EDC3: variants seen among roughly 807,000 people sequenced by gnomAD.
The protein encoded by EDC3 is enhancer of mRNA decapping 3.
In EDC3, 20 loss-of-function variants were observed where a neutral mutation model predicts 41.8. The ratio of observed to expected loss-of-function variants is 0.48; its 90% CI spans 0.34 to 0.70. EDC3 has a LOEUF of 0.70. EDC3 is among the 30% of genes least tolerant of loss of function. The probability of loss-of-function intolerance (pLI) is 0.01; values close to 1 mark genes in which losing one functional copy is unlikely to be tolerated. For missense variants in EDC3, 444 were observed against 636.8 expected, an observed-to-expected ratio of 0.70 and a Z score of 3.26; for synonymous variants, 206 against 243.2, an observed-to-expected ratio of 0.85 and a Z score of 1.42.
At chr15:74,645,572 G>GT (rs2062404800) in intron 4 of EDC3, among the ~76,000 whole-genome samples, 1 of 145,186 alleles carries the variant, frequency 6.9e-6, no homozygotes, top group South Asian at 2.3e-4. Flanking sequence ...GTTGGGGGGG[G>GT]GGGGGTGCCA....
At position 74,632,159 on chromosome 15, in the gene EDC3, C is replaced by T. The variant is rs1034309609; in HGVS notation, c.*453G>A. ...CCTCTGGTGGACAGCTGCCGTGCAG[C>T]TGGTTCTACAGAGGAAGGGCTGTCT... On this transcript the variant is annotated 3_prime_UTR_variant, in exon 7 of 7. Transcript: ENST00000315127. This position sits in a 1 kb window ranked among gnomAD's most constrained non-coding sequence, Gnocchi z 4.0. The T allele has an allele frequency of 9.9e-6, 2 of 202,370 alleles. No homozygotes were observed. The highest frequency in any genetic ancestry group is 1.8e-4 in the South Asian group (2 of 10,824). The allele number at this position is 202,370 out of a possible 1,614,324, so 12.5% of individuals were successfully genotyped here. A position where few individuals can be genotyped will look rare whatever the true frequency, so the allele number is the denominator to read the frequency against.
chr15:74,663,558 T>C lies in EDC3; in HGVS notation c.485-7490A>G, dbSNP rs976101225. 3.9e-5 allele frequency among the ~76,000 whole-genome samples: 6 copies of C among 152,236 alleles called. No individual in the cohort carries two copies. The East Asian group carries it at 1.2e-3, about 29-fold the overall frequency. On this transcript the variant is annotated intron_variant, in intron 3 of 6. Transcript: ENST00000315127. ...ATTAGGGATGCTCAACTGGTATGTA[T>C]TCCAGAAATACTCCAAAATCCTTTT...
At chr15:74,642,884 T>C (rs940087350) in intron 4 of EDC3, 1 of 152,276 alleles carries the variant, frequency 6.6e-6, no homozygotes, top group African/African-American at 2.4e-5. Context: ...CCCCACCGGC[T>C]GGCTAGATGC....
At chr15:74,640,766 C>A (rs1241307599) in intron 4 of EDC3, 147 bp from the exon 5 acceptor site, 12 of 934,930 alleles carry the variant, frequency 1.3e-5, no homozygotes, top group Non-Finnish European at 1.9e-5. Flanking sequence ...GACTAAGGCA[C>A]GCTCTGCAGC....
chr15:74,682,067 T>G (rs1460720568), intron 1 of EDC3, among the ~76,000 whole-genome samples: 1 of 152,134 alleles, frequency 6.6e-6, no homozygotes, highest in Non-Finnish European at 1.5e-5. Flanking sequence ...CTAGTAAGAA[T>G]GTGGAAAAAA....
chr15:74,632,187 G>C lies in EDC3; in HGVS notation c.*425C>G, dbSNP rs181346572. On this transcript the variant is annotated 3_prime_UTR_variant, in exon 7 of 7. Coordinates refer to ENST00000315127, the MANE Select transcript of EDC3 (RefSeq NM_025083.5). This position sits in a 1 kb window ranked among gnomAD's most constrained non-coding sequence, Gnocchi z 4.0. ...GTTCTACAGAGGAAGGGCTGTCTGC[G>C]TGGGGAAAGCAGGGGAGACACAAAG... The C allele has an allele frequency of 9.5e-5, 20 of 209,740 alleles. No homozygotes were observed. The highest frequency in any genetic ancestry group is 1.8e-4 in the Non-Finnish European group (18 of 102,032). The allele number at this position is 209,740 out of a possible 1,614,324, so 13.0% of individuals were successfully genotyped here.
intron 4 of EDC3, among the ~76,000 whole-genome samples, chr15:74,647,700 C>T (rs1346865824): frequency 1.3e-5 from 2 of 152,220 alleles, no homozygotes; most frequent in African/African-American, 2.4e-5. Flanking sequence ...GGGACTGATA[C>T]ATTCTTCCAC....
intron 3 of EDC3, among the ~76,000 whole-genome samples, chr15:74,667,733 A>G (rs2062693372): frequency 6.6e-6 from 1 of 152,202 alleles, no homozygotes; most frequent in Admixed American, 6.5e-5. Context: ...AATACCCATG[A>G]GTACATGCTG....
intron 5 of EDC3, chr15:74,637,544 G>A (rs2062289041): frequency 6.6e-6 from 1 of 152,210 alleles, no homozygotes; most frequent in South Asian, 2.1e-4. Context: ...TAACAGCTAG[G>A]AAGCAGGCCT....
intron 4 of EDC3, among the ~76,000 whole-genome samples, chr15:74,654,434 C>A (rs1004577383): frequency 1.3e-5 from 2 of 152,184 alleles, no homozygotes; most frequent in African/African-American, 4.8e-5. Flanking sequence ...GTTGGCTGAT[C>A]TGGAGGAGTA....
At chr15:74,666,121 C>T (rs2062674746) in intron 3 of EDC3, among the ~76,000 whole-genome samples, 1 of 152,132 alleles carries the variant, frequency 6.6e-6, no homozygotes. Flanking sequence ...TCTATAGCTT[C>T]ATCAATCTAC....
At chr15:74,681,825 C>T (rs1209149567) in intron 1 of EDC3, among the ~76,000 whole-genome samples, 1 of 152,168 alleles carries the variant, frequency 6.6e-6, no homozygotes. Flanking sequence ...GAGAAACCCT[C>T]AAGATCTAGG....
intron 6 of EDC3, among the ~76,000 whole-genome samples, chr15:74,633,483 T>TAGAGG (rs2062236979): frequency 6.6e-6 from 1 of 152,198 alleles, no homozygotes; most frequent in Non-Finnish European, 1.5e-5. Flanking sequence ...CTGTCCCCTC[T>TAGAGG]CGTACTCATT....
At chr15:74,633,015 C>G in intron 6 of EDC3, 69 bp from the exon 7 acceptor site, 1 of 1,496,384 alleles carries the variant, frequency 6.7e-7, no homozygotes, top group Non-Finnish European at 9.1e-7. Context: ...GGACTAGGGC[C>G]CAGGTCACCC....
chr15:74,693,781 C>T (rs1200593012), intron 1 of EDC3, among the ~76,000 whole-genome samples: 2 of 151,998 alleles, frequency 1.3e-5, no homozygotes, highest in Non-Finnish European at 2.9e-5. Context: ...GTCGGGAGTT[C>T]GAGACCAGCC....
chr15:74,667,585 A>T (rs973979775), intron 3 of EDC3, among the ~76,000 whole-genome samples: 1 of 152,068 alleles, frequency 6.6e-6, no homozygotes, highest in East Asian at 1.9e-4. Context: ...CTAAAAAAAA[A>T]AAAAAATAAA....
At chr15:74,672,289 GA>G (rs1346198342) in intron 2 of EDC3, among the ~76,000 whole-genome samples, 16 of 16,568 alleles carry the variant, frequency 9.7e-4, no homozygotes, top group African/African-American at 4.6e-3. Context: ...AAAAAAAAAA[GA>G]GAGGCTATTG....
chr15:74,657,707 C>T (rs1249116005), intron 3 of EDC3, among the ~76,000 whole-genome samples: 4 of 152,172 alleles, frequency 2.6e-5, no homozygotes, highest in African/African-American at 9.7e-5. Context: ...AGCAAGCAAT[C>T]TTCTGATTTT....
chr15:74,658,377 A>C (rs2062575990), intron 3 of EDC3, among the ~76,000 whole-genome samples: 1 of 152,114 alleles, frequency 6.6e-6, no homozygotes, highest in African/African-American at 2.4e-5. Flanking sequence ...TCTCTCACCA[A>C]AATATTATAT....
Sources: allele counts gnomAD v4.1 joint callset (sites outside exome capture counted in the v4.1 genomes callset), GRCh38; gene constraint gnomAD v4.1.1; non-coding constraint Gnocchi (gnomAD v3.1); transcripts MANE v1.5; gene names NCBI Gene and HGNC (gene_info 2026-07-23, HGNC 2026-07-21).